The following DPY19L2 variants were observed in gnomAD, a reference collection of about 807,000 sequenced individuals.
DPY19L2 encodes probable C-mannosyltransferase DPY19L2.
In DPY19L2, 34 loss-of-function variants were observed where a neutral mutation model predicts 97.9. The ratio of observed to expected loss-of-function variants is 0.35; its 90% confidence interval spans 0.26 to 0.46. The LOEUF is 0.46. DPY19L2 is among the 20% of genes least tolerant of loss of function. DPY19L2 has a pLI of 1.00. For synonymous variants in DPY19L2, 230 were observed against 307.9 expected, an observed-to-expected ratio of 0.75 and a Z score of 2.65; for missense variants, 623 against 911.4, an observed-to-expected ratio of 0.68 and a Z score of 4.07.
chr12:63,607,942 T>A (rs1886338143), intron 12 of DPY19L2, among the ~76,000 whole-genome samples: 1 of 151,964 alleles, frequency 6.6e-6, no homozygotes. Flanking sequence ...CCAAGGTTTA[T>A]TTTTTAATAG....
chr12:63,569,106 GATA>G (rs201005241), intron 21 of DPY19L2, 115 bp downstream of exon 21: 104,031 of 1,149,482 alleles, frequency 0.091, 4,576 homozygotes, highest in Middle Eastern at 0.13. Context: ...AAGGTACCAG[GATA>G]ATATTTTAAT....
At position 63,627,645 on chromosome 12, in the gene DPY19L2, C is replaced by T. The variant is rs397834776; in HGVS notation, c.804-1119G>A. 7.1e-4 allele frequency among the ~76,000 whole-genome samples: 108 copies of T among 152,262 alleles called. 1 individual carries two copies. The highest frequency in any genetic ancestry group is 2.3e-3 in the African/African-American group (96 of 41,562). On this transcript the variant is annotated intron_variant, in intron 6 of 21. Transcript: ENST00000324472. ...GATTACAGGCGTGAGCCACCGCACC[C>T]GGCCAAAAACCATTTCTTAAATTGC...
intron 21 of DPY19L2, among the ~76,000 whole-genome samples, chr12:63,564,012 T>C (rs529541010): frequency 9.0e-4 from 137 of 152,288 alleles, no homozygotes; most frequent in African/African-American, 3.2e-3. Flanking sequence ...ATTTTATCTA[T>C]TTTGTCCTAC....
chr12:63,631,855 G>T (rs1019625886), intron 6 of DPY19L2, among the ~76,000 whole-genome samples: 4 of 152,054 alleles, frequency 2.6e-5, no homozygotes, highest in Non-Finnish European at 5.9e-5. Flanking sequence ...ACATCAAAAA[G>T]CTTATCTACC....
At chr12:63,565,718 G>C (rs1329809050) in intron 21 of DPY19L2, among the ~76,000 whole-genome samples, 1 of 152,040 alleles carries the variant, frequency 6.6e-6, no homozygotes, top group Non-Finnish European at 1.5e-5. Flanking sequence ...TGTCATCTCA[G>C]TGTTTTCTTT....
At chr12:63,623,213 G>A (rs1336435546) in intron 8 of DPY19L2, among the ~76,000 whole-genome samples, 1 of 151,122 alleles carries the variant, frequency 6.6e-6, no homozygotes, top group African/African-American at 2.4e-5. Context: ...TATCTAAAAT[G>A]CTTATAAATG....
At chr12:63,610,676 T>C (rs1372076610) in intron 11 of DPY19L2, among the ~76,000 whole-genome samples, 3 of 150,498 alleles carry the variant, frequency 2.0e-5, no homozygotes, top group Non-Finnish European at 4.4e-5. Context: ...TGGAGAATTC[T>C]ATGAAACATT....
rs1458275327 is a variant in DPY19L2, at chr12:63,627,372, CAG to C, written c.804-848_804-847del. ...GTTGTTGTTTTGTTTTGTTTTGAGACAGAGTCTTGCTCTGTCACCCAGGCTGG... is the reference window on the plus strand; with the variant it reads ...GTTGTTGTTTTGTTTTGTTTTGAGACAGTCTTGCTCTGTCACCCAGGCTGG... On this transcript the variant is annotated intron_variant, in intron 6 of 21. Coordinates refer to ENST00000324472, the MANE Select transcript of DPY19L2 (RefSeq NM_173812.5). Among the ~76,000 whole-genome samples, 5 of 151,878 alleles carry C rather than the reference CAG, an allele frequency of 3.3e-5. 1 individual carries two copies. Among genetic ancestry groups the C allele is most frequent in the African/African-American group, 9.7e-5 (4 of 41,332 alleles).
intron 7 of DPY19L2, among the ~76,000 whole-genome samples, chr12:63,625,868 A>G (rs1889444359): frequency 6.6e-6 from 1 of 151,312 alleles, no homozygotes; most frequent in South Asian, 2.1e-4. Flanking sequence ...TTGTATACTT[A>G]AAAATCTGTT....
chr12:63,570,657 G>A lies in DPY19L2; in HGVS notation c.2000+101C>T, dbSNP rs551012366. 1.4e-5 allele frequency: 12 copies of A among 881,136 alleles called. No individual in the cohort carries two copies. In the East Asian group the frequency reaches 1.9e-4, roughly 14 times the overall value. The allele number at this position is 881,136 out of a possible 1,614,324, so 54.6% of individuals were successfully genotyped here. ...AAAATGAGGATGAGTTTGTGTGTGT[G>A]TGTGTGTGTGTGTGTGTGTGTGTGT... On this transcript the variant is annotated intron_variant, in intron 20 of 21. Coordinates refer to ENST00000324472, the MANE Select transcript of DPY19L2 (RefSeq NM_173812.5).
intron 10 of DPY19L2, 126 bp from the exon 11 acceptor site, chr12:63,617,516 T>G: frequency 1.7e-6 from 1 of 581,362 alleles, no homozygotes. Context: ...CTTGGCCAAA[T>G]GATAACAGAA....
intron 12 of DPY19L2, among the ~76,000 whole-genome samples, chr12:63,604,681 A>T (rs548176533): frequency 6.6e-6 from 1 of 152,174 alleles, no homozygotes; most frequent in East Asian, 1.9e-4. Flanking sequence ...TTCTATAATC[A>T]CCAAGTTGTT....
At chr12:63,618,429 A>G (rs1476222932) in intron 9 of DPY19L2, among the ~76,000 whole-genome samples, 2 of 152,170 alleles carry the variant, frequency 1.3e-5, no homozygotes, top group African/African-American at 4.8e-5. Flanking sequence ...AAATACGTAT[A>G]AAAGCCACAG....
At chr12:63,636,697 C>T (rs1592680226) in intron 6 of DPY19L2, among the ~76,000 whole-genome samples, 1 of 152,202 alleles carries the variant, frequency 6.6e-6, no homozygotes, top group Non-Finnish European at 1.5e-5. Flanking sequence ...AAGGCCATTA[C>T]ATAATGGTAA....
chr12:63,628,847 G>A (rs539452459), intron 6 of DPY19L2, among the ~76,000 whole-genome samples: 81 of 151,016 alleles, frequency 5.4e-4, no homozygotes, highest in African/African-American at 8.3e-4. Flanking sequence ...TCACACAGCC[G>A]GGTACTCCTC....
chr12:63,594,059 G>A, intron 16 of DPY19L2, 28 bp downstream of exon 16: 2 of 1,424,698 alleles, frequency 1.4e-6, no homozygotes, highest in Non-Finnish European at 1.9e-6. Flanking sequence ...AATACTGTAT[G>A]TTTTAAAAAC....
intron 11 of DPY19L2, among the ~76,000 whole-genome samples, chr12:63,609,590 G>A (rs56205491): frequency 0.082 from 12,465 of 151,950 alleles, 587 homozygotes; most frequent in Middle Eastern, 0.15. Context: ...AAATCAGTTG[G>A]CACCTTGATT....
chr12:63,591,028 T>G, intron 16 of DPY19L2: 1 of 455,486 alleles, frequency 2.2e-6, no homozygotes, highest in Non-Finnish European at 4.4e-6. Context: ...CAATTAAATA[T>G]CCCAAGTCCC....
chr12:63,633,302 G>C (rs1489095754), intron 6 of DPY19L2, among the ~76,000 whole-genome samples: 2 of 152,088 alleles, frequency 1.3e-5, no homozygotes, highest in African/African-American at 2.4e-5. Flanking sequence ...AGAAATTTTT[G>C]CAATCTACTC....
Sources: gnomAD v4.1 joint callset for allele counts (sites outside exome capture counted in the v4.1 genomes callset) on GRCh38, gnomAD v4.1.1 for gene constraint, MANE v1.5 for transcripts, NCBI Gene and HGNC (gene_info 2026-07-23, HGNC 2026-07-21) for gene names.